Variants in CHD9 observed in about 807,000 individuals in gnomAD.
CHD9 encodes the protein ATP-dependent chromatin remodeler CHD9.
A neutral mutation model predicts 316.1 loss-of-function variants in CHD9; 77 were observed. That is an observed-to-expected ratio of 0.24 (90% CI 0.20 to 0.29). CHD9 has a LOEUF of 0.29. Among genes scored for constraint, CHD9 ranks in the 10% least tolerant of loss-of-function variants. The pLI is 1.00. For synonymous variants in CHD9, 1,129 were observed against 1,158.3 expected (o/e 0.97, Z 0.51); for missense variants, 2,763 against 3,438.1 (o/e 0.80, Z 4.91).
At chr16:53,130,978 GCGGGGGAGGCGGTGCCCCTTCACTC>G (rs933397149) in intron 1 of CHD9, 1 of 152,202 alleles carries the variant, frequency 6.6e-6, no homozygotes, top group Non-Finnish European at 1.5e-5. Context: ...GCGTGGCGGC[GCGGGGGAGGCGGTGCCCCTTCACTC>G]CTCCCTCCAC....
rs1250485176 is a variant in CHD9, at chr16:53,159,867, T to C, written c.1452+2326T>C. Among the ~76,000 whole-genome samples the C allele has an allele frequency of 2.0e-5, 3 of 152,322 alleles. No individual in the cohort carries two copies. In the East Asian group the frequency reaches 5.8e-4, roughly 29 times the overall value. On this transcript the variant is annotated intron_variant, in intron 2 of 38. Coordinates refer to ENST00000447540, the MANE Select transcript of CHD9 (RefSeq NM_001308319.2). ...CCTGACCTCAGGTGATCCACCGGCC[T>C]TGACCTCCCAAAGTACTGGCATTAC...
intron 19 of CHD9, among the ~76,000 whole-genome samples, chr16:53,261,783 G>T (rs555277217): frequency 6.6e-6 from 1 of 152,016 alleles, no homozygotes; most frequent in South Asian, 2.1e-4. Context: ...ATACTGTTTC[G>T]AAGCAAATCC....
At position 53,069,017 on chromosome 16, in the gene CHD9, A is replaced by G. The variant is rs185545329; in HGVS notation, c.-165+13940A>G. On this transcript the variant is annotated intron_variant, in intron 1 of 38. Coordinates refer to ENST00000447540, the MANE Select transcript of CHD9 (RefSeq NM_001308319.2). ...CTTTTATTTTATTTTATTTTATTTT[A>G]TTTTTGAGACAGGGTCTTGCTCTAC... 4.4e-3 allele frequency among the ~76,000 whole-genome samples: 676 copies of G among 151,942 alleles called. 1 individual carries two copies. The highest frequency in any genetic ancestry group is 7.0e-3 in the Non-Finnish European group (479 of 67,950).
chr16:53,143,358 TTTTATTTATTTATTTATTTATTTA>T (rs55793321), intron 1 of CHD9, among the ~76,000 whole-genome samples: 2 of 137,990 alleles, frequency 1.4e-5, no homozygotes, highest in East Asian at 2.1e-4. Context: ...TTTTATCTTA[TTTTATTTATTTATTTATTTATTTA>T]TTTATTTATT....
At chr16:53,091,727 C>T (rs1234920156) in intron 1 of CHD9, among the ~76,000 whole-genome samples, 2 of 152,178 alleles carry the variant, frequency 1.3e-5, no homozygotes, top group Admixed American at 1.3e-4. Context: ...AAGGAGCAAA[C>T]GAGTGCCTGG....
At position 53,308,541 on chromosome 16, in the gene CHD9, A is replaced by T; in HGVS notation, c.7054-145A>T. 4.8e-6 allele frequency: 3 copies of T among 624,790 alleles called. No homozygotes were observed. In the South Asian group the frequency reaches 5.9e-5, roughly 12 times the overall value. 38.7% of individuals were successfully genotyped at this position (624,790 alleles called of 1,614,324 possible). On this transcript the variant is annotated intron_variant, in intron 33 of 38. Transcript: ENST00000447540. ...AATTGATTTAAAATGTTTTTATTTG[A>T]CTGATTTATGAATGAGAAATGAACT... is the stretch of plus-strand genomic sequence containing the variant.
intron 2 of CHD9, among the ~76,000 whole-genome samples, chr16:53,187,632 C>T (rs1567445005): frequency 6.6e-6 from 1 of 152,078 alleles, no homozygotes; most frequent in Non-Finnish European, 1.5e-5. Flanking sequence ...AGATTTAAGA[C>T]TTTGTAATGT....
chr16:53,200,434 C>T (rs182644303), intron 2 of CHD9, among the ~76,000 whole-genome samples: 121 of 147,966 alleles, frequency 8.2e-4, no homozygotes, highest in African/African-American at 1.9e-3. Context: ...CTGTAATCCC[C>T]GCTACTTGGG....
At chr16:53,215,259 A>G (rs572897364) in intron 3 of CHD9, among the ~76,000 whole-genome samples, 5 of 152,308 alleles carry the variant, frequency 3.3e-5, no homozygotes, top group Non-Finnish European at 7.3e-5. Flanking sequence ...TGATAAATGT[A>G]TTGGCTGATT....
intron 1 of CHD9, among the ~76,000 whole-genome samples, chr16:53,108,367 C>A (rs563529707): frequency 6.6e-6 from 1 of 151,622 alleles, no homozygotes; most frequent in African/African-American, 2.4e-5. Context: ...TAGCCAGGTG[C>A]GGTGGTGTGC....
At chr16:53,321,268 C>T in intron 37 of CHD9, 1 of 1,345,966 alleles carries the variant, frequency 7.4e-7, no homozygotes, top group South Asian at 1.3e-5. Context: ...ATGGCCTGTC[C>T]AGCATGGTAG....
chr16:53,247,675 C>T (rs2049751772), intron 16 of CHD9, 172 bp downstream of exon 16: 1 of 581,250 alleles, frequency 1.7e-6, no homozygotes, highest in Non-Finnish European at 3.0e-6. Context: ...TTTTCCTAAC[C>T]TGCATATGTT....
At chr16:53,307,027 G>T (rs2056048755) in intron 32 of CHD9, among the ~76,000 whole-genome samples, 1 of 152,028 alleles carries the variant, frequency 6.6e-6, no homozygotes, top group South Asian at 2.1e-4. Context: ...TGATCCGCTT[G>T]CCTCGGCCTC....
intron 2 of CHD9, among the ~76,000 whole-genome samples, chr16:53,199,936 A>G (rs2152844980): frequency 6.6e-6 from 1 of 152,296 alleles, no homozygotes; most frequent in South Asian, 2.1e-4. Flanking sequence ...ATTATAAACC[A>G]TAGAAAGAAA....
At chr16:53,187,923 A>G (rs1271141185) in intron 2 of CHD9, among the ~76,000 whole-genome samples, 1 of 152,210 alleles carries the variant, frequency 6.6e-6, no homozygotes, top group African/African-American at 2.4e-5. Flanking sequence ...AATGTAAGAA[A>G]AGCAGAAATG....
intron 36 of CHD9, among the ~76,000 whole-genome samples, chr16:53,315,901 A>C (rs2056845954): frequency 6.6e-6 from 1 of 152,206 alleles, no homozygotes; most frequent in Admixed American, 6.5e-5. Context: ...TCTTCAAGCT[A>C]TGAGTATAGC....
intron 2 of CHD9, chr16:53,208,620 T>C: frequency 3.2e-5 from 32 of 1,000,538 alleles, no homozygotes; most frequent in South Asian, 1.6e-4. Flanking sequence ...AGAAAAAATA[T>C]CCAGTGAAGC....
intron 12 of CHD9, among the ~76,000 whole-genome samples, chr16:53,239,842 A>G (rs1420119534): frequency 2.0e-5 from 3 of 152,212 alleles, no homozygotes; most frequent in African/African-American, 7.2e-5. Flanking sequence ...GAATCAATCT[A>G]TAATCTAATT....
chr16:53,083,540 G>C (rs1163167364), intron 1 of CHD9, among the ~76,000 whole-genome samples: 2 of 151,922 alleles, frequency 1.3e-5, no homozygotes, highest in African/African-American at 4.8e-5. Flanking sequence ...TCTTTATTAT[G>C]GACAATTCCT....
Sources: allele counts gnomAD v4.1 joint callset (sites outside exome capture counted in the v4.1 genomes callset), GRCh38; gene constraint gnomAD v4.1.1; transcripts MANE v1.5; gene names NCBI Gene and HGNC (gene_info 2026-07-23, HGNC 2026-07-21).